Variants in PRKCH observed in about 807,000 individuals in gnomAD.
PRKCH encodes protein kinase C eta type.
A neutral mutation model predicts 82.5 loss-of-function variants in PRKCH; 28 were observed. The observed-to-expected ratio is 0.34, with a 90% CI of 0.25 to 0.47. The LOEUF is 0.47. Ranked by LOEUF, PRKCH falls within the 20% of genes least tolerant of loss-of-function variation. The pLI is 1.00. For missense variants in PRKCH, 705 were observed against 881.8 expected, an observed-to-expected ratio of 0.80 and a Z score of 2.54; for synonymous variants, 322 against 327.4, an observed-to-expected ratio of 0.98 and a Z score of 0.18.
chr14:61,374,338 A>G (rs1162094760), intron 1 of PRKCH, among the ~76,000 whole-genome samples: 2 of 152,054 alleles, frequency 1.3e-5, no homozygotes, highest in African/African-American at 4.8e-5. Context: ...CAGTGGATCT[A>G]CCATTCTGGG....
At chr14:61,509,701 A>G (rs1359177361) in intron 10 of PRKCH, among the ~76,000 whole-genome samples, 2 of 152,142 alleles carry the variant, frequency 1.3e-5, no homozygotes, top group Non-Finnish European at 2.9e-5. Flanking sequence ...CCCTGCCAAC[A>G]TGGTGAGATT....
At chr14:61,454,788 T>C (rs1884681258) in intron 7 of PRKCH, among the ~76,000 whole-genome samples, 1 of 152,282 alleles carries the variant, frequency 6.6e-6, no homozygotes, top group Middle Eastern at 3.4e-3. Flanking sequence ...CCCAAGCCCA[T>C]GTCTTACTGT....
At chr14:61,426,583 A>G (rs756989251) in intron 2 of PRKCH, among the ~76,000 whole-genome samples, 47 of 152,198 alleles carry the variant, frequency 3.1e-4, no homozygotes, top group Non-Finnish European at 2.1e-4. Context: ...TTGCCTGAGG[A>G]AAGTCCAAGA....
rs771828914 is a variant in PRKCH at position 61,459,548 on chromosome 14, T to C, written c.1278+1869T>C. Among the ~76,000 whole-genome samples, 30 of 152,262 alleles carry C rather than the reference T, an allele frequency of 2.0e-4. 1 individual carries two copies. The highest frequency in any genetic ancestry group is 4.1e-4 in the Non-Finnish European group (28 of 68,030). ...AGCCTTGTAGGCTGTGTTAAGGGGT[T>C]TGGGTTTAGTCCTGAGAGCAATGGA... On this transcript the variant is annotated intron_variant, in intron 9 of 13. Transcript: ENST00000332981.
At chr14:61,334,728 T>A (rs1158810565) in intron 1 of PRKCH, among the ~76,000 whole-genome samples, 2 of 152,204 alleles carry the variant, frequency 1.3e-5, no homozygotes, top group East Asian at 3.9e-4. Context: ...TGATGATTAG[T>A]TTTTTCTTTT....
At chr14:61,284,161 G>T (rs2045295039) in intron 1 of PRKCH, among the ~76,000 whole-genome samples, 1 of 152,238 alleles carries the variant, frequency 6.6e-6, no homozygotes, top group South Asian at 2.1e-4. Flanking sequence ...AGAGGGCAGG[G>T]TGATAAAAAT....
chr14:61,407,017 T>G (rs912498826), intron 2 of PRKCH, among the ~76,000 whole-genome samples: 1 of 152,012 alleles, frequency 6.6e-6, no homozygotes, highest in African/African-American at 2.4e-5. Flanking sequence ...CGGGGCTGAT[T>G]TTTGTGGCAC....
intron 2 of PRKCH, among the ~76,000 whole-genome samples, chr14:61,403,555 C>T (rs1198345061): frequency 6.6e-6 from 1 of 152,226 alleles, no homozygotes; most frequent in Non-Finnish European, 1.5e-5. Context: ...CAAAACAACT[C>T]AGAAGCCTGT....
chr14:61,399,325 G>T (rs1290855733), intron 2 of PRKCH, among the ~76,000 whole-genome samples: 1 of 152,164 alleles, frequency 6.6e-6, no homozygotes. Context: ...CAGAATCTGG[G>T]TTATGACATC....
At chr14:61,335,811 G>T (rs780998658) in intron 1 of PRKCH, among the ~76,000 whole-genome samples, 1 of 152,200 alleles carries the variant, frequency 6.6e-6, no homozygotes, top group Non-Finnish European at 1.5e-5. Context: ...TAAGTCACAT[G>T]AATTAGGATG....
chr14:61,334,611 G>A (rs1300528835), intron 1 of PRKCH, among the ~76,000 whole-genome samples: 1 of 152,172 alleles, frequency 6.6e-6, no homozygotes, highest in Non-Finnish European at 1.5e-5. Flanking sequence ...TGGAAAAACA[G>A]TGGAGGGTGG....
intron 1 of PRKCH, among the ~76,000 whole-genome samples, chr14:61,264,339 T>C (rs971023465): frequency 6.6e-5 from 10 of 152,348 alleles, no homozygotes; most frequent in Admixed American, 6.5e-4. Flanking sequence ...GAAGTAGCAT[T>C]GCCAGTCCTA....
At chr14:61,505,554 T>C (rs1887113097) in intron 10 of PRKCH, among the ~76,000 whole-genome samples, 1 of 151,790 alleles carries the variant, frequency 6.6e-6, no homozygotes, top group South Asian at 2.1e-4. Flanking sequence ...TTTGTATTTT[T>C]AGTAGAGATG....
chr14:61,314,737 T>G (rs921442507), intron 1 of PRKCH, among the ~76,000 whole-genome samples: 11 of 152,196 alleles, frequency 7.2e-5, no homozygotes, highest in Non-Finnish European at 1.6e-4. Context: ...CTTGCCCTCT[T>G]AGGACCCTTC....
chr14:61,448,986 C>A (rs1164325104), intron 4 of PRKCH, among the ~76,000 whole-genome samples, 178 bp from the exon 5 acceptor site: 11 of 152,014 alleles, frequency 7.2e-5, no homozygotes, highest in Admixed American at 6.6e-4. Context: ...TGAGCCTGAG[C>A]AAAGGTCTGT....
At position 61,443,123 on chromosome 14, in the gene PRKCH, G is replaced by C; in HGVS notation, c.440G>C (p.Arg147Thr). Residue 147 changes from arginine (R) to threonine (T), a missense_variant, in exon 3 of 14, where the codon AGA becomes ACA. Coordinates refer to ENST00000332981, the MANE Select transcript of PRKCH (RefSeq NM_006255.5). ...TTTTAATATATAGCTACTCTCCAGA[G>C]AGACCGGATCTTCAAACATTTTACC... The part of the protein sequence containing the change: ...TGSFTEATLQ[R>T]DRIFKHFTRK... The C allele has an allele frequency of 6.2e-7, 1 of 1,613,716 alleles. No homozygotes were observed. Among genetic ancestry groups the C allele is most frequent in the African/African-American group, 1.3e-5 (1 of 75,010 alleles).
intron 1 of PRKCH, among the ~76,000 whole-genome samples, chr14:61,222,067 C>A (rs1046092358): frequency 1.3e-5 from 2 of 152,178 alleles, no homozygotes; most frequent in Non-Finnish European, 2.9e-5. Flanking sequence ...GCCTGGTCTC[C>A]AAAGAGTGCT....
chr14:61,484,600 G>C (rs1311414569), intron 9 of PRKCH, among the ~76,000 whole-genome samples: 1 of 152,020 alleles, frequency 6.6e-6, no homozygotes, highest in Non-Finnish European at 1.5e-5. Flanking sequence ...TTAGTACACT[G>C]CATAGTGACT....
intron 2 of PRKCH, among the ~76,000 whole-genome samples, chr14:61,415,742 A>ACACTC (rs1293163753): frequency 6.6e-6 from 1 of 152,204 alleles, no homozygotes; most frequent in Admixed American, 6.5e-5. Flanking sequence ...GGTATTAGGT[A>ACACTC]CACTCACATT....
Sources: gnomAD v4.1 joint callset for allele counts (sites outside exome capture counted in the v4.1 genomes callset) on GRCh38, gnomAD v4.1.1 for gene constraint, MANE v1.5 for transcripts, NCBI Gene and HGNC (gene_info 2026-07-23, HGNC 2026-07-21) for gene names.